Variants in GNAO1 observed in about 807,000 individuals in gnomAD.
GNAO1 encodes the protein G protein subunit alpha o1, also known as guanine nucleotide-binding protein G(o) subunit alpha.
For synonymous variants in GNAO1, 164 were observed against 180.7 expected (o/e 0.91, Z 0.74); for missense variants, 166 against 478.7 (o/e 0.35, Z 6.10).
At chr16:56,349,297 G>A (rs1248925896) in intron 6 of GNAO1, among the ~76,000 whole-genome samples, 1 of 152,230 alleles carries the variant, frequency 6.6e-6, no homozygotes, top group African/African-American at 2.4e-5. Flanking sequence ...GGCTCTGGCT[G>A]TGGGTTTCCA....
At chr16:56,223,276 A>T (rs1448148306) in intron 2 of GNAO1, among the ~76,000 whole-genome samples, 1 of 152,152 alleles carries the variant, frequency 6.6e-6, no homozygotes, top group Non-Finnish European at 1.5e-5. Context: ...GGCTGTTCCC[A>T]GGTTCTAGAG....
At position 56,191,577 on chromosome 16, in the gene GNAO1, T is replaced by G. The variant is rs1276121328; in HGVS notation, c.-659T>G. On this transcript the variant is annotated 5_prime_UTR_variant, in exon 1 of 9. Coordinates refer to ENST00000262493, the MANE Select transcript of GNAO1 (RefSeq NM_020988.3). The surrounding 1 kb of genome is among the most constrained non-coding windows in gnomAD (Gnocchi z 4.7). ...GGTAGGCTCACCGAGCGATGCGAGC[T>G]CTGGGAGACAGCGACGCCGCCTCCC... 6.6e-6 allele frequency: 1 copy of G among 151,622 alleles called. No individual in the cohort carries two copies. Among genetic ancestry groups the G allele is most frequent in the Non-Finnish European group, 1.5e-5 (1 of 68,200 alleles). 9.4% of individuals were successfully genotyped at this position (151,622 alleles called of 1,614,324 possible). A position where few individuals can be genotyped will look rare whatever the true frequency, so the allele number is the denominator to read the frequency against.
At chr16:56,198,803 T>A (rs1385542227) in intron 2 of GNAO1, among the ~76,000 whole-genome samples, 1 of 152,228 alleles carries the variant, frequency 6.6e-6, no homozygotes, top group Non-Finnish European at 1.5e-5. Flanking sequence ...TATGTGGGAC[T>A]TAGCCACCCT....
At chr16:56,281,141 A>G (rs751590811) in intron 3 of GNAO1, among the ~76,000 whole-genome samples, 3 of 152,158 alleles carry the variant, frequency 2.0e-5, no homozygotes, top group Non-Finnish European at 2.9e-5. Context: ...TACAAATTAT[A>G]TATGTATACA....
Position 56,355,009 on chromosome 16 carries a change from G to A in GNAO1, c.1021G>A (p.Asp341Asn), listed in dbSNP as rs2037954681. 1.2e-6 allele frequency: 2 copies of A among 1,613,326 alleles called. No individual in the cohort carries two copies. Among genetic ancestry groups the A allele is most frequent in the African/African-American group, 1.3e-5 (1 of 74,826 alleles). ...CCAGGTGGTGTTCGACGCCGTCACC[G>A]ACATCATCATTGCCAACAACCTCCG... ...NIQVVFDAVT[D>N]IIIANNLRGC... The change falls in exon 8 of 9, where the codon GAC becomes AAC. Residue 341 changes from aspartate (D) to asparagine (N), a missense_variant. Coordinates refer to ENST00000262493, the MANE Select transcript of GNAO1 (RefSeq NM_020988.3).
At chr16:56,200,877 C>T (rs953956613) in intron 2 of GNAO1, among the ~76,000 whole-genome samples, 2 of 152,160 alleles carry the variant, frequency 1.3e-5, no homozygotes, top group Non-Finnish European at 1.5e-5. Context: ...TTTTCATTAC[C>T]GCCTCAAAAA....
intron 3 of GNAO1, among the ~76,000 whole-genome samples, chr16:56,295,152 C>T (rs575750213): frequency 3.3e-5 from 5 of 152,250 alleles, no homozygotes; most frequent in South Asian, 4.1e-4. Context: ...TCCATACCTC[C>T]CTTTCCAGCA....
intron 6 of GNAO1, among the ~76,000 whole-genome samples, chr16:56,338,850 G>C (rs77063416): frequency 6.6e-6 from 1 of 152,228 alleles, no homozygotes; most frequent in Admixed American, 6.5e-5. Flanking sequence ...TCCAGCCTGC[G>C]GGCCTTGCTG....
intron 2 of GNAO1, chr16:56,226,587 G>A (rs1315962872): frequency 6.6e-6 from 1 of 152,188 alleles, no homozygotes; most frequent in African/African-American, 2.4e-5. Context: ...AAAGACTAGA[G>A]GTGGAAAGAA....
At chr16:56,330,439 A>G (rs1365608891) in intron 4 of GNAO1, among the ~76,000 whole-genome samples, 1 of 151,286 alleles carries the variant, frequency 6.6e-6, no homozygotes, top group East Asian at 2.0e-4. Context: ...CTCCACTTAC[A>G]TTTTTACCCA....
chr16:56,201,342 T>A (rs1251414001), intron 2 of GNAO1, among the ~76,000 whole-genome samples: 1 of 152,204 alleles, frequency 6.6e-6, no homozygotes. Context: ...TGTCACCACA[T>A]GGAACATGCT....
In GNAO1 at chr16:56,353,618, G is replaced by A. The variant is rs1402321879; in HGVS notation, c.878-1248G>A. 5.3e-5 allele frequency: 8 copies of A among 152,354 alleles called. 1 individual carries two copies. The highest frequency in any genetic ancestry group is 3.3e-4 in the Admixed American group (5 of 15,290). 9.4% of individuals were successfully genotyped at this position (152,354 alleles called of 1,614,324 possible). On this transcript the variant is annotated intron_variant, in intron 7 of 8. Coordinates refer to ENST00000262493, the MANE Select transcript of GNAO1 (RefSeq NM_020988.3). ...GGCTCGGCAGACACAGCGAAGGCAC[G>A]AGGCGCTCCTCCCACCTGGACGGCT... is the stretch of plus-strand genomic sequence containing the variant.
In GNAO1 at chr16:56,227,629, A is replaced by G. The variant is rs180984868; in HGVS notation, c.161+35013A>G. Reference sequence around the variant, plus strand: ...CTTAAGCCCAGGAGGTCAAGGCTATAGTGAGCCATGACAGTGCCATTATGC... The same window carrying G: ...CTTAAGCCCAGGAGGTCAAGGCTATGGTGAGCCATGACAGTGCCATTATGC... On this transcript the variant is annotated intron_variant, in intron 2 of 8. Transcript: ENST00000262493. Among the ~76,000 whole-genome samples the G allele has an allele frequency of 8.3e-4, 113 of 136,436 alleles. 1 individual carries two copies. The East Asian group carries it at 0.025, about 30-fold the overall frequency. 89.5% of individuals were successfully genotyped at this position (136,436 alleles called of 152,430 possible).
chr16:56,333,077 G>C (rs2037705804), intron 4 of GNAO1, among the ~76,000 whole-genome samples: 1 of 152,278 alleles, frequency 6.6e-6, no homozygotes, highest in African/African-American at 2.4e-5. Flanking sequence ...AGGCTCAGGA[G>C]AGGAGGCCAG....
chr16:56,297,867 C>T (rs374677085), intron 3 of GNAO1, among the ~76,000 whole-genome samples: 17 of 152,088 alleles, frequency 1.1e-4, no homozygotes, highest in African/African-American at 3.1e-4. Flanking sequence ...TAGAACTAGA[C>T]GATTAAAAAA....
intron 2 of GNAO1, among the ~76,000 whole-genome samples, chr16:56,234,791 A>G (rs2036621888): frequency 6.6e-6 from 1 of 152,104 alleles, no homozygotes; most frequent in South Asian, 2.1e-4. Flanking sequence ...TCCAACTCAA[A>G]GATCCTCCAA....
intron 3 of GNAO1, among the ~76,000 whole-genome samples, chr16:56,319,627 G>A (rs890033134): frequency 2.0e-5 from 3 of 152,130 alleles, no homozygotes; most frequent in Admixed American, 6.5e-5. Flanking sequence ...GTGACCAGCC[G>A]CCAGCAGCAC....
At chr16:56,335,442 TC>T (rs1316195554) in intron 5 of GNAO1, among the ~76,000 whole-genome samples, 1 of 152,088 alleles carries the variant, frequency 6.6e-6, no homozygotes, top group African/African-American at 2.4e-5. Flanking sequence ...CAGCGCTGTG[TC>T]CCCACCTGCA....
At chr16:56,355,567 T>C (rs1489226879) in intron 8 of GNAO1, 5 of 152,298 alleles carry the variant, frequency 3.3e-5, no homozygotes, top group Non-Finnish European at 5.9e-5. Flanking sequence ...CTTTCAGAAA[T>C]GGCCGAAGCC....
Sources: gnomAD v4.1 joint callset for allele counts (sites outside exome capture counted in the v4.1 genomes callset) on GRCh38, gnomAD v4.1.1 for gene constraint, Gnocchi (gnomAD v3.1) non-coding constraint, MANE v1.5 for transcripts, NCBI Gene and HGNC (gene_info 2026-07-23, HGNC 2026-07-21) for gene names.